The following MCF2L variants were observed in gnomAD, a reference collection of about 807,000 sequenced individuals.
MCF2L encodes the protein MCF.2 cell line derived transforming sequence like, also known as guanine nucleotide exchange factor DBS.
Under a neutral mutation model 153.4 loss-of-function variants are expected in MCF2L, and 97 were observed. The ratio of observed to expected loss-of-function variants is 0.63; its 90% CI spans 0.54 to 0.75. The LOEUF (loss-of-function observed/expected upper bound fraction) is 0.75, where lower values mean the gene tolerates loss of function less well. MCF2L is among the 30% of genes least tolerant of loss of function. MCF2L has a pLI of 0.00. For synonymous variants in MCF2L, 659 were observed against 632.2 expected (o/e 1.04, Z -0.64); for missense variants, 1,347 against 1,495.2 (o/e 0.90, Z 1.64).
rs574936721 is a variant in MCF2L at position 113,070,002 on chromosome 13, C to T, written c.882-57C>T. The T allele has an allele frequency of 2.3e-6, 3 of 1,295,968 alleles. No homozygotes were observed. The highest frequency in any genetic ancestry group is 3.3e-6 in the Non-Finnish European group (3 of 911,470). 80.3% of individuals were successfully genotyped at this position (1,295,968 alleles called of 1,614,324 possible). A position where few individuals can be genotyped will look rare whatever the true frequency, so the allele number is the denominator to read the frequency against. ...GGGTCGCTTGAACACCCACCGCGCT[C>T]CACGTTGCATGGGGCGCCGTGGGCC... On this transcript the variant is annotated intron_variant, in intron 8 of 29. Transcript: ENST00000535094. The surrounding 1 kb of genome is among the most constrained non-coding windows in gnomAD (Gnocchi z 5.6).
At chr13:112,912,993 G>A (rs1388374262) in intron 2 of MCF2L, among the ~76,000 whole-genome samples, 3 of 151,492 alleles carry the variant, frequency 2.0e-5, no homozygotes, top group Non-Finnish European at 4.4e-5. Context: ...CTGTGTGATT[G>A]TGTGTCTGTG....
At chr13:112,913,089 TGTG>T in intron 2 of MCF2L, among the ~76,000 whole-genome samples, 1 of 151,742 alleles carries the variant, frequency 6.6e-6, no homozygotes, top group African/African-American at 2.4e-5. Context: ...ATTGTGTGTG[TGTG>T]GTCTATTTCT....
At chr13:112,996,699 C>T (rs755040729) in intron 1 of MCF2L, among the ~76,000 whole-genome samples, 1 of 152,224 alleles carries the variant, frequency 6.6e-6, no homozygotes, top group Non-Finnish European at 1.5e-5. Flanking sequence ...CTGTCGTCCT[C>T]AGATGGGTTC....
chr13:113,088,396 G>A lies in MCF2L; in HGVS notation c.2758G>A (p.Ala920Thr). ...IRKVLTSQLQ[A>T]CREASQHRAL... is the part of the protein sequence containing the mutation. ...GAAAGTGCTGACCAGCCAGCTGCAG[G>A]CTTGTAGAGGTGAGGCTGTCTTCAA... The change falls in exon 24 of 30, where the codon GCT (alanine) becomes ACT (threonine). Residue 920 changes from alanine to threonine, a missense_variant. Coordinates refer to ENST00000535094, the MANE Select transcript of MCF2L (RefSeq NM_001112732.3). The A allele has an allele frequency of 1.2e-6, 2 of 1,614,012 alleles. No individual in the cohort carries two copies. The highest frequency in any genetic ancestry group is 1.7e-6 in the Non-Finnish European group (2 of 1,180,020).
chr13:113,087,123 TG>T, intron 21 of MCF2L, 111 bp from the exon 22 acceptor site: 1 of 904,038 alleles, frequency 1.1e-6, no homozygotes, highest in Admixed American at 2.6e-5. Context: ...GCCCTGCAGC[TG>T]GAATCCCACC....
intron 2 of MCF2L, among the ~76,000 whole-genome samples, chr13:112,918,006 G>GT (rs2081313168): frequency 6.6e-6 from 1 of 152,172 alleles, no homozygotes; most frequent in African/African-American, 2.4e-5. Flanking sequence ...CTGGGACTTT[G>GT]TATCTTTCCA....
chr13:112,994,715 G>C (rs1170394557), intron 1 of MCF2L, among the ~76,000 whole-genome samples: 2 of 152,168 alleles, frequency 1.3e-5, no homozygotes, highest in Non-Finnish European at 2.9e-5. Flanking sequence ...GCATCCTCCC[G>C]GGCACAGGCT....
chr13:113,077,227 C>T lies in MCF2L; in HGVS notation c.1660+16C>T, dbSNP rs778103661. ...CCCTCCCCAGGTCTGTGTGGCCGCC[C>T]GGTGCCCCGGGTGCTGTGGGACCCT... On this transcript the variant is annotated intron_variant, in intron 13 of 29. Transcript: ENST00000535094. The T allele has an allele frequency of 8.8e-5, 135 of 1,531,380 alleles. No homozygotes were observed. The highest frequency in any genetic ancestry group is 1.9e-4 in the East Asian group (8 of 41,256). 94.9% of individuals were successfully genotyped at this position (1,531,380 alleles called of 1,614,324 possible).
Position 113,092,480 on chromosome 13 carries a change from G to A in MCF2L, c.2954-2034G>A, listed in dbSNP as rs111882200. On this transcript the variant is annotated intron_variant, in intron 26 of 29. Coordinates refer to ENST00000535094, the MANE Select transcript of MCF2L (RefSeq NM_001112732.3). ...TTTCCACCGTGGCCAGTGTGGCGTC[G>A]AAGCCGGGCCACTGCCCGTGGGTCA... Among the ~76,000 whole-genome samples, 92 of 152,184 alleles carry A rather than the reference G, an allele frequency of 6.0e-4. 1 individual carries two copies. In the East Asian group the frequency reaches 0.016, roughly 27 times the overall value.
intron 2 of MCF2L, among the ~76,000 whole-genome samples, chr13:112,963,093 G>A (rs969725161): frequency 7.9e-5 from 12 of 152,166 alleles, no homozygotes; most frequent in African/African-American, 2.9e-4. Context: ...TGCCAGATCT[G>A]TCATGGCAGC....
At chr13:113,084,614 T>C in intron 18 of MCF2L, 1 of 498,388 alleles carries the variant, frequency 2.0e-6, no homozygotes. Context: ...TAAGAATGGC[T>C]GCGGTGGAAC....
At chr13:112,925,214 C>T (rs116988667) in intron 2 of MCF2L, among the ~76,000 whole-genome samples, 17 of 152,302 alleles carry the variant, frequency 1.1e-4, no homozygotes, top group Non-Finnish European at 1.6e-4. Flanking sequence ...CTTCGTCCAC[C>T]AGAGTGGCTA....
intron 2 of MCF2L, among the ~76,000 whole-genome samples, chr13:112,910,841 A>G (rs535724759): frequency 3.5e-4 from 54 of 152,332 alleles, no homozygotes; most frequent in African/African-American, 1.2e-3. Context: ...GCCGCTGGTG[A>G]CCTGGGGGGT....
rs1004316926 is a variant in MCF2L at position 112,943,485 on chromosome 13, G to C, written c.169+41114G>C. ...TGCAGGGGCCGGGGCGCGGCGGCCC[G>C]GGCTTTGAGAGACGGGCCGCTCTTC... On this transcript the variant is annotated intron_variant, in intron 2 of 29. Transcript: ENST00000375608. This position sits in a 1 kb window ranked among gnomAD's most constrained non-coding sequence, Gnocchi z 4.2. 9.2e-5 allele frequency among the ~76,000 whole-genome samples: 14 copies of C among 151,922 alleles called. No homozygotes were observed. The highest frequency in any genetic ancestry group is 3.4e-4 in the African/African-American group (14 of 41,386).
intron 4 of MCF2L, among the ~76,000 whole-genome samples, chr13:113,051,023 C>G (rs1043944940): frequency 1.3e-5 from 2 of 151,878 alleles, no homozygotes; most frequent in Non-Finnish European, 2.9e-5. Context: ...TGCGGCGACA[C>G]GGGGGTGGGG....
At chr13:112,939,826 G>A (rs2081557382) in intron 2 of MCF2L, among the ~76,000 whole-genome samples, 1 of 152,050 alleles carries the variant, frequency 6.6e-6, no homozygotes, top group Admixed American at 6.6e-5. Context: ...CAAAAAATTA[G>A]CTGGGCATGT....
Position 112,943,832 on chromosome 13 carries a change from C to T in MCF2L, c.169+41461C>T, listed in dbSNP as rs1441553812. On this transcript the variant is annotated intron_variant, in intron 2 of 29. Coordinates refer to the MCF2L transcript ENST00000375608. This position sits in a 1 kb window ranked among gnomAD's most constrained non-coding sequence, Gnocchi z 4.2. ...AGGACCTGGCGGGAGGCGTAGTAGG[C>T]GGGGTGAGGGGATCTCGGTGGCAGC... is the stretch of plus-strand genomic sequence containing the variant. Among the ~76,000 whole-genome samples, 1 of 151,704 alleles carries T rather than the reference C, an allele frequency of 6.6e-6. No homozygotes were observed.
At chr13:113,089,752 C>G in intron 26 of MCF2L, 24 bp downstream of exon 26, 2 of 1,605,060 alleles carry the variant, frequency 1.2e-6, no homozygotes, top group Non-Finnish European at 8.5e-7. Context: ...GGGACCGGGC[C>G]TCACACGGAG....
chr13:113,022,790 G>A (rs933058060), intron 2 of MCF2L, among the ~76,000 whole-genome samples: 2 of 152,262 alleles, frequency 1.3e-5, no homozygotes, highest in Non-Finnish European at 2.9e-5. Context: ...CGGCTGAGGG[G>A]AGGCTTGTCG....
Sources: allele counts gnomAD v4.1 joint callset (sites outside exome capture counted in the v4.1 genomes callset), GRCh38; gene constraint gnomAD v4.1.1; non-coding constraint Gnocchi (gnomAD v3.1); transcripts MANE v1.5; gene names NCBI Gene and HGNC (gene_info 2026-07-23, HGNC 2026-07-21).